The following DCC variants were observed in gnomAD, a reference collection of about 807,000 sequenced individuals.
The protein encoded by DCC is DCC netrin 1 receptor, also known as netrin receptor DCC.
In DCC, 58 loss-of-function variants were observed where a neutral mutation model predicts 172.5. The observed-to-expected ratio is 0.34, with a 90% confidence interval of 0.27 to 0.42. The LOEUF (loss-of-function observed/expected upper bound fraction) is 0.42, where lower values mean the gene tolerates loss of function less well. Ranked by LOEUF, DCC falls within the 10% of genes least tolerant of loss-of-function variation. DCC has a pLI of 1.00. For missense variants in DCC, 1,740 were observed against 1,791.0 expected, an observed-to-expected ratio of 0.97 and a Z score of 0.51; for synonymous variants, 709 against 644.5, an observed-to-expected ratio of 1.10 and a Z score of -1.52.
chr18:53,180,751 C>A (rs2055182960), intron 9 of DCC, among the ~76,000 whole-genome samples: 1 of 152,144 alleles, frequency 6.6e-6, no homozygotes, highest in African/African-American at 2.4e-5. Context: ...GCAACCTCCG[C>A]CTCCAAGGTT....
At chr18:53,111,650 C>A (rs2043333938) in intron 7 of DCC, among the ~76,000 whole-genome samples, 1 of 151,514 alleles carries the variant, frequency 6.6e-6, no homozygotes, top group South Asian at 2.1e-4. Flanking sequence ...AAAATTATCT[C>A]ATCATGTTTA....
At chr18:52,950,614 T>C (rs963894725) in intron 5 of DCC, among the ~76,000 whole-genome samples, 6 of 152,134 alleles carry the variant, frequency 3.9e-5, no homozygotes, top group Non-Finnish European at 7.4e-5. Context: ...TTTTACCTTA[T>C]GGATATGGGC....
At chr18:53,320,352 A>C (rs1046680896) in intron 13 of DCC, among the ~76,000 whole-genome samples, 1 of 152,162 alleles carries the variant, frequency 6.6e-6, no homozygotes, top group Non-Finnish European at 1.5e-5. Context: ...GATTACAGGC[A>C]TGAGCCACCG....
intron 12 of DCC, among the ~76,000 whole-genome samples, chr18:53,264,708 T>C (rs1441265853): frequency 6.6e-6 from 1 of 152,038 alleles, no homozygotes; most frequent in Non-Finnish European, 1.5e-5. Context: ...TTTAGATCAT[T>C]GAAAAGTAGT....
intron 2 of DCC, among the ~76,000 whole-genome samples, chr18:52,887,536 G>A (rs921222776): frequency 1.2e-4 from 19 of 152,090 alleles, no homozygotes; most frequent in African/African-American, 2.9e-4. Flanking sequence ...TCTTGTCCAC[G>A]ATGATAGAAT....
intron 27 of DCC, among the ~76,000 whole-genome samples, chr18:53,513,527 T>TAAAG (rs1467407281): frequency 6.6e-6 from 1 of 152,138 alleles, no homozygotes; most frequent in Non-Finnish European, 1.5e-5. Context: ...GCAAATTGGA[T>TAAAG]AAAGAGTCAA....
intron 5 of DCC, among the ~76,000 whole-genome samples, chr18:52,929,867 C>G (rs544166255): frequency 2.7e-5 from 4 of 150,332 alleles, no homozygotes; most frequent in Non-Finnish European, 4.4e-5. Flanking sequence ...CACACACTCA[C>G]GTTTGTTTTC....
chr18:52,853,389 T>C (rs2039006357), intron 2 of DCC, among the ~76,000 whole-genome samples: 1 of 152,226 alleles, frequency 6.6e-6, no homozygotes, highest in South Asian at 2.1e-4. Context: ...TTCTGTTCAT[T>C]ACATGTTTGT....
chr18:52,874,252 A>G (rs931592386), intron 2 of DCC, among the ~76,000 whole-genome samples: 22 of 152,336 alleles, frequency 1.4e-4, no homozygotes, highest in Middle Eastern at 6.8e-3. Flanking sequence ...TTATAAGCCA[A>G]TTACTTTTAA....
chr18:53,223,064 A>T (rs1037382231), intron 12 of DCC, among the ~76,000 whole-genome samples: 108 of 152,220 alleles, frequency 7.1e-4, no homozygotes, highest in Middle Eastern at 3.4e-3. Flanking sequence ...CTAGAATAGG[A>T]TATTGAGAAC....
At chr18:52,457,060 GC>G (rs1359281628) in intron 1 of DCC, among the ~76,000 whole-genome samples, 1 of 151,914 alleles carries the variant, frequency 6.6e-6, no homozygotes, top group East Asian at 1.9e-4. Flanking sequence ...TTTTGTATGA[GC>G]TTTTCATTTC....
At chr18:53,110,958 A>T (rs367800340) in intron 7 of DCC, among the ~76,000 whole-genome samples, 1,805 of 122,520 alleles carry the variant, frequency 0.015, 20 homozygotes, top group Non-Finnish European at 0.022. Flanking sequence ...ACGTATGTTT[A>T]TTGTGGCACT....
intron 1 of DCC, among the ~76,000 whole-genome samples, chr18:52,529,438 C>T (rs1471345876): frequency 2.0e-5 from 3 of 152,112 alleles, no homozygotes; most frequent in Admixed American, 2.0e-4. Flanking sequence ...CTACAGGCGC[C>T]TGCCACCACG....
rs9955114 is a variant in DCC at position 52,700,900 on chromosome 18, T to C, written c.92-51154T>C. 8.0e-3 allele frequency among the ~76,000 whole-genome samples: 1,218 copies of C among 152,316 alleles called. 20 individuals carry two copies. The highest frequency in any genetic ancestry group is 0.028 in the African/African-American group (1,172 of 41,562). ...CCAGTAGCACGTGATATTGGTTGAC[T>C]AGCATTGCAAGTACAAAATTTCCTA... On this transcript the variant is annotated intron_variant, in intron 1 of 28. Transcript: ENST00000442544.
At chr18:52,497,122 C>T (rs917700888) in intron 1 of DCC, among the ~76,000 whole-genome samples, 3 of 150,760 alleles carry the variant, frequency 2.0e-5, no homozygotes, top group African/African-American at 4.9e-5. Context: ...TTAGCCGGGC[C>T]TGGTGGTGCA....
chr18:53,450,435 A>G, intron 22 of DCC, 65 bp from the exon 23 acceptor site: 2 of 1,576,492 alleles, frequency 1.3e-6, no homozygotes, highest in Non-Finnish European at 1.7e-6. Flanking sequence ...ATATCCCAAG[A>G]GAGCTTGGTA....
intron 2 of DCC, among the ~76,000 whole-genome samples, chr18:52,759,937 A>G (rs1245873808): frequency 4.6e-5 from 7 of 152,228 alleles, no homozygotes; most frequent in African/African-American, 1.7e-4. Flanking sequence ...AGAATTGTGG[A>G]AAAACATGAT....
chr18:52,847,885 AAT>A (rs2038919731), intron 2 of DCC, among the ~76,000 whole-genome samples: 1 of 152,148 alleles, frequency 6.6e-6, no homozygotes, highest in African/African-American at 2.4e-5. Context: ...TCATCTGTAA[AAT>A]ATGAGTAGGA....
intron 1 of DCC, among the ~76,000 whole-genome samples, chr18:52,496,949 T>C (rs896199935): frequency 1.3e-5 from 2 of 151,934 alleles, no homozygotes; most frequent in South Asian, 4.1e-4. Flanking sequence ...AGAGCCACTT[T>C]ACATATAATG....
Sources: gnomAD v4.1 joint callset for allele counts (sites outside exome capture counted in the v4.1 genomes callset) on GRCh38, gnomAD v4.1.1 for gene constraint, MANE v1.5 for transcripts, NCBI Gene and HGNC (gene_info 2026-07-23, HGNC 2026-07-21) for gene names.